Variants in SAP130 observed in about 807,000 individuals in gnomAD.
SAP130 encodes Sin3A associated protein 130, also known as histone deacetylase complex subunit SAP130.
Under a neutral mutation model 103.2 loss-of-function variants are expected in SAP130, and 16 were observed. That is an observed-to-expected ratio of 0.16 (90% CI 0.10 to 0.24). The LOEUF (loss-of-function observed/expected upper bound fraction) is 0.24. SAP130 is among the 10% of genes least tolerant of loss of function. The pLI is 1.00. For synonymous variants in SAP130, 477 were observed against 497.0 expected (o/e 0.96, Z 0.53); for missense variants, 990 against 1,359.7 (o/e 0.73, Z 4.28).
rs1678787480 is a variant in SAP130, at chr2:127,942,629, A to G, written c.2902-92T>C. The G allele has an allele frequency of 2.7e-6, 2 of 742,410 alleles. No individual in the cohort carries two copies. The highest frequency in any genetic ancestry group is 3.5e-5 in the African/African-American group (2 of 57,874). The allele number at this position is 742,410 out of a possible 1,614,324, so 46.0% of individuals were successfully genotyped here. A position where few individuals can be genotyped will look rare whatever the true frequency, so the allele number is the denominator to read the frequency against. ...TGAACCCACCTTCAATCACCTTTGT[A>G]AACTGTCTAAGAGTTGTTTGGGTGA... On this transcript the variant is annotated intron_variant, in intron 19 of 20. Transcript: ENST00000643581. The surrounding 1 kb of genome is among the most constrained non-coding windows in gnomAD (Gnocchi z 4.8).
At chr2:127,979,108 C>G (rs1015613513) in intron 14 of SAP130, among the ~76,000 whole-genome samples, 1 of 152,098 alleles carries the variant, frequency 6.6e-6, no homozygotes, top group Non-Finnish European at 1.5e-5. Context: ...AGTTTAAAAT[C>G]CAGTGACAAG....
chr2:127,977,772 G>A (rs1311337563), intron 15 of SAP130, among the ~76,000 whole-genome samples: 1 of 152,086 alleles, frequency 6.6e-6, no homozygotes, highest in African/African-American at 2.4e-5. Context: ...TATAGTCCCA[G>A]CTACTCAAGA....
intron 15 of SAP130, among the ~76,000 whole-genome samples, chr2:127,963,151 C>T (rs1680378629): frequency 6.6e-6 from 1 of 152,158 alleles, no homozygotes; most frequent in Non-Finnish European, 1.5e-5. Context: ...CCCAATTCAT[C>T]ATTTGTCTTC....
chr2:128,014,940 T>A (rs765806130), intron 4 of SAP130, 26 bp from the exon 5 acceptor site: 2 of 1,586,460 alleles, frequency 1.3e-6, no homozygotes, highest in South Asian at 1.1e-5. Context: ...TAGAACGTTA[T>A]TTTTACATGT....
rs528141516 is a variant in SAP130, at chr2:128,003,643, G to T, written c.870-3189C>A. Among the ~76,000 whole-genome samples the T allele has an allele frequency of 2.6e-5, 4 of 151,996 alleles. No individual in the cohort carries two copies. In the South Asian group the frequency reaches 6.2e-4, roughly 24 times the overall value. ...CCAGTCTGAATATTTAACATCGACAGGTCCATAGTGACTCACCCACACGTA... is the reference window on the plus strand; with the variant it reads ...CCAGTCTGAATATTTAACATCGACATGTCCATAGTGACTCACCCACACGTA... On this transcript the variant is annotated intron_variant, in intron 7 of 20. Coordinates refer to ENST00000643581, the MANE Select transcript of SAP130 (RefSeq NM_001330301.2).
In SAP130 at chr2:128,027,968, C is replaced by A. The variant is rs1685642615; in HGVS notation, c.-35G>T. 2 of 985,510 alleles carry A rather than the reference C, an allele frequency of 2.0e-6. No individual in the cohort carries two copies. The highest frequency in any genetic ancestry group is 3.5e-5 in the African/African-American group (2 of 57,256). 61.0% of individuals were successfully genotyped at this position (985,510 alleles called of 1,614,324 possible). A position where few individuals can be genotyped will look rare whatever the true frequency, so the allele number is the denominator to read the frequency against. On this transcript the variant is annotated 5_prime_UTR_variant, in exon 1 of 21. Coordinates refer to ENST00000643581, the MANE Select transcript of SAP130 (RefSeq NM_001330301.2). ...GGTGCTGCGCCCAGTGGCCGCCGCGCCGCCTTGAGCTCGCTCCCGCGCGCT... is the reference window on the plus strand; with the variant it reads ...GGTGCTGCGCCCAGTGGCCGCCGCGACGCCTTGAGCTCGCTCCCGCGCGCT...
intron 15 of SAP130, among the ~76,000 whole-genome samples, chr2:127,968,614 C>T (rs903547971): frequency 5.9e-5 from 9 of 151,882 alleles, no homozygotes; most frequent in Non-Finnish European, 1.2e-4. Flanking sequence ...AGATCTGCCT[C>T]CCAGGCTCAA....
chr2:127,999,804 TA>T lies in SAP130; in HGVS notation c.1149del (p.Thr384ProfsTer2). On this transcript the variant is annotated frameshift_variant, in exon 10 of 21. Transcript: ENST00000643581. LOFTEE classifies it high-confidence loss of function. Reference sequence around the variant, plus strand: ...GAGGAATGGGAGGGTACTGTCATGGTAACAATGGTACTTGTGGGAGCTTGCG... The same window carrying T: ...GAGGAATGGGAGGGTACTGTCATGGTACAATGGTACTTGTGGGAGCTTGCG... ...SHTQAPTSTI[V>X]TMTVPSHSSH... 1 of 1,538,014 alleles carries T rather than the reference TA, an allele frequency of 6.5e-7. No individual in the cohort carries two copies.
intron 1 of SAP130, 69 bp from the exon 2 acceptor site, chr2:128,026,367 C>T: frequency 9.1e-7 from 1 of 1,097,678 alleles, no homozygotes; most frequent in Non-Finnish European, 1.4e-6. Flanking sequence ...GAAATTAAAG[C>T]ATCTTTAGTA....
intron 11 of SAP130, among the ~76,000 whole-genome samples, chr2:127,994,972 C>A (rs1264728845): frequency 6.6e-6 from 1 of 152,130 alleles, no homozygotes; most frequent in Non-Finnish European, 1.5e-5. Flanking sequence ...GTATCAAAAT[C>A]TGTAAGCATT....
intron 15 of SAP130, among the ~76,000 whole-genome samples, chr2:127,971,947 T>C (rs1681121639): frequency 6.6e-6 from 1 of 152,266 alleles, no homozygotes. Context: ...TTGTTACTCA[T>C]CAGTGAATGG....
At chr2:127,978,614 T>C (rs1186559883) in intron 14 of SAP130, among the ~76,000 whole-genome samples, 1 of 152,192 alleles carries the variant, frequency 6.6e-6, no homozygotes, top group African/African-American at 2.4e-5. Context: ...AATCTTGACA[T>C]GTTTAGTTTT....
intron 4 of SAP130, 21 bp from the exon 5 acceptor site, chr2:128,014,935 C>A (rs183132075): frequency 1.3e-6 from 2 of 1,596,218 alleles, no homozygotes; most frequent in African/African-American, 1.3e-5. Context: ...GAGGATAGAA[C>A]GTTATTTTTA....
intron 16 of SAP130, among the ~76,000 whole-genome samples, chr2:127,952,231 T>C (rs187705669): frequency 1.1e-4 from 16 of 152,204 alleles, no homozygotes; most frequent in African/African-American, 3.9e-4. Flanking sequence ...GGCGGGCAGA[T>C]CATAAGATCA....
chr2:128,004,361 CTTTTTTTTTTTTT>C (rs71935874), intron 7 of SAP130, among the ~76,000 whole-genome samples: 2 of 76,024 alleles, frequency 2.6e-5, no homozygotes, highest in Admixed American at 4.0e-4. Flanking sequence ...GCTTTCTTTC[CTTTTTTTTTTTTT>C]TTTTTTTTTT....
chr2:128,014,701 C>CT (rs1321963634), intron 5 of SAP130, 102 bp downstream of exon 5: 6 of 852,558 alleles, frequency 7.0e-6, no homozygotes, highest in African/African-American at 1.7e-5. Context: ...TGTTCTGCAA[C>CT]TTTAACAAGC....
At chr2:127,991,565 T>C (rs1266120912) in intron 12 of SAP130, among the ~76,000 whole-genome samples, 4 of 152,130 alleles carry the variant, frequency 2.6e-5, no homozygotes, top group African/African-American at 9.7e-5. Context: ...ACTCCTGGTC[T>C]CAAGCGACCT....
intron 5 of SAP130, among the ~76,000 whole-genome samples, chr2:128,014,364 C>T (rs544687191): frequency 2.0e-5 from 3 of 151,280 alleles, no homozygotes; most frequent in South Asian, 4.2e-4. Context: ...GCCATCCTCC[C>T]ATCTCAGCCT....
intron 13 of SAP130, among the ~76,000 whole-genome samples, 172 bp from the exon 14 acceptor site, chr2:127,987,134 C>A (rs997681563): frequency 6.6e-6 from 1 of 152,212 alleles, no homozygotes. Flanking sequence ...GAGCAGATAG[C>A]TAAATGGGAG....
Sources: gnomAD v4.1 joint callset for allele counts (sites outside exome capture counted in the v4.1 genomes callset) on GRCh38, gnomAD v4.1.1 for gene constraint, Gnocchi (gnomAD v3.1) non-coding constraint, MANE v1.5 for transcripts, NCBI Gene and HGNC (gene_info 2026-07-23, HGNC 2026-07-21) for gene names.